The following WWOX variants were observed in gnomAD, a reference collection of about 807,000 sequenced individuals.
The protein encoded by WWOX is WW domain-containing oxidoreductase.
WWOX carries 69 observed loss-of-function variants against 46.2 expected under a neutral mutation model. That is an observed-to-expected ratio of 1.49 (90% CI 1.23 to 1.82). The LOEUF (loss-of-function observed/expected upper bound fraction) is 1.82, where lower values mean the gene tolerates loss of function less well. WWOX is among the 40% of genes most tolerant of loss of function. WWOX has a pLI of 0.00. For missense variants in WWOX, 919 were observed against 542.6 expected (o/e 1.69, Z -6.89); for synonymous variants, 359 against 202.6 (o/e 1.77, Z -6.56).
Position 78,243,245 on chromosome 16 carries a change from A to G in WWOX, c.516+78956A>G, listed in dbSNP as rs149553154. ...ATTAAATCACAAGAGGTAATAGTGT[A>G]TCTACTAACACCTATACTTTTGAGT... On this transcript the variant is annotated intron_variant, in intron 5 of 8. Transcript: ENST00000566780. 6.9e-3 allele frequency among the ~76,000 whole-genome samples: 1,057 copies of G among 152,350 alleles called. 17 individuals carry two copies. The highest frequency in any genetic ancestry group is 0.025 in the African/African-American group (1,024 of 41,582).
chr16:78,438,772 C>A (rs2083385214), intron 8 of WWOX, among the ~76,000 whole-genome samples: 2 of 152,124 alleles, frequency 1.3e-5, no homozygotes, highest in Non-Finnish European at 2.9e-5. Context: ...CCGTGTAAAG[C>A]CAGTCATCGT....
At chr16:78,512,055 C>G (rs916279335) in intron 8 of WWOX, among the ~76,000 whole-genome samples, 2 of 152,194 alleles carry the variant, frequency 1.3e-5, no homozygotes, top group African/African-American at 4.8e-5. Flanking sequence ...TGGCTTCAAA[C>G]ACAAGTTATT....
rs565624082 is a variant in WWOX, at chr16:79,185,893, C to T, written c.1057-25715C>T. Among the ~76,000 whole-genome samples, 24 of 152,012 alleles carry T rather than the reference C, an allele frequency of 1.6e-4. No homozygotes were observed. The South Asian group carries it at 4.8e-3, about 30-fold the overall frequency. On this transcript the variant is annotated intron_variant, in intron 8 of 8. Coordinates refer to ENST00000566780, the MANE Select transcript of WWOX (RefSeq NM_016373.4). ...AATTTAGTGCTCAGATATCTGAGGC[C>T]TGATATTAGGAAAAATACGGTAAGG...
At chr16:78,650,594 T>C (rs1271577650) in intron 8 of WWOX, among the ~76,000 whole-genome samples, 2 of 152,248 alleles carry the variant, frequency 1.3e-5, no homozygotes. Context: ...CTCTGGTCTT[T>C]GAGATTATGT....
intron 8 of WWOX, among the ~76,000 whole-genome samples, chr16:78,720,765 T>C (rs1328579900): frequency 9.2e-5 from 14 of 152,182 alleles, no homozygotes; most frequent in Admixed American, 2.0e-4. Flanking sequence ...TTTAGGGTTA[T>C]TCTCAAACTC....
chr16:78,988,694 G>A (rs889626679), intron 8 of WWOX, among the ~76,000 whole-genome samples: 15 of 152,318 alleles, frequency 9.8e-5, no homozygotes, highest in African/African-American at 3.6e-4. Flanking sequence ...ACAGAAGGAT[G>A]GAAAGTGCAT....
chr16:78,196,285 T>G (rs1001350697), intron 5 of WWOX, among the ~76,000 whole-genome samples: 5 of 152,366 alleles, frequency 3.3e-5, no homozygotes, highest in East Asian at 1.9e-4. Context: ...AATACACTAC[T>G]AAGTGTTTAT....
chr16:78,348,434 G>C (rs964617405), intron 5 of WWOX, among the ~76,000 whole-genome samples: 1 of 121,078 alleles, frequency 8.3e-6, no homozygotes, highest in Admixed American at 8.0e-5. Context: ...GAGCCAAAGA[G>C]CTCGATACAT....
intron 3 of WWOX, among the ~76,000 whole-genome samples, chr16:78,110,634 T>G (rs925754858): frequency 6.6e-6 from 1 of 152,184 alleles, no homozygotes; most frequent in Admixed American, 6.5e-5. Flanking sequence ...TAGGATAAAT[T>G]CCGGTATCAC....
chr16:78,203,380 C>G (rs2036291980), intron 5 of WWOX, among the ~76,000 whole-genome samples: 1 of 151,950 alleles, frequency 6.6e-6, no homozygotes, highest in Non-Finnish European at 1.5e-5. Context: ...TAGGTTCATT[C>G]AAAAGGGAAA....
intron 8 of WWOX, among the ~76,000 whole-genome samples, chr16:78,522,238 T>G (rs1042223859): frequency 6.6e-6 from 1 of 151,446 alleles, no homozygotes; most frequent in Non-Finnish European, 1.5e-5. Flanking sequence ...TCATGAAACC[T>G]AGAAGGAGTT....
intron 8 of WWOX, among the ~76,000 whole-genome samples, chr16:78,521,251 C>G (rs968340449): frequency 6.6e-6 from 1 of 152,116 alleles, no homozygotes; most frequent in Non-Finnish European, 1.5e-5. Context: ...GAGACGGGAT[C>G]TTGCTGTGTT....
intron 5 of WWOX, among the ~76,000 whole-genome samples, chr16:78,366,089 G>GT (rs2151917070): frequency 6.6e-6 from 1 of 152,224 alleles, no homozygotes; most frequent in South Asian, 2.1e-4. Context: ...CACCCTAAAT[G>GT]CCCAGGTATT....
chr16:78,880,943 C>A (rs2044329926), intron 8 of WWOX, among the ~76,000 whole-genome samples: 1 of 148,724 alleles, frequency 6.7e-6, no homozygotes. Context: ...TTTTTTTTTT[C>A]ATTATGAGTC....
chr16:78,704,181 A>G (rs2048284872), intron 8 of WWOX, among the ~76,000 whole-genome samples: 2 of 151,360 alleles, frequency 1.3e-5, no homozygotes, highest in Non-Finnish European at 2.9e-5. Flanking sequence ...TGTGGCAACT[A>G]TGTAACCTCT....
chr16:78,527,787 C>G (rs71396189), intron 8 of WWOX, among the ~76,000 whole-genome samples: 2 of 150,950 alleles, frequency 1.3e-5, no homozygotes, highest in South Asian at 2.1e-4. Context: ...CTGGAGACAT[C>G]TGGGGTTGTC....
intron 8 of WWOX, among the ~76,000 whole-genome samples, chr16:78,540,014 TCTCTCTCA>T (rs1457196237): frequency 7.8e-6 from 1 of 127,486 alleles, no homozygotes; most frequent in Non-Finnish European, 1.7e-5. Flanking sequence ...TCTCTCTCTC[TCTCTCTCA>T]CACACACACA....
intron 8 of WWOX, among the ~76,000 whole-genome samples, chr16:78,806,297 C>T (rs1183524665): frequency 1.3e-5 from 2 of 152,142 alleles, no homozygotes; most frequent in Non-Finnish European, 2.9e-5. Flanking sequence ...AAGCATTTCC[C>T]TATTCTTTAG....
At chr16:79,078,097 G>C (rs2048694333) in intron 8 of WWOX, 1 of 152,184 alleles carries the variant, frequency 6.6e-6, no homozygotes, top group Non-Finnish European at 1.5e-5. Context: ...AGAACTGGAA[G>C]TTTCCATTTC....
Sources: gnomAD v4.1 joint callset for allele counts (sites outside exome capture counted in the v4.1 genomes callset) on GRCh38, gnomAD v4.1.1 for gene constraint, MANE v1.5 for transcripts, NCBI Gene and HGNC (gene_info 2026-07-23, HGNC 2026-07-21) for gene names.